Variants in AFG3L2 observed in about 807,000 individuals in gnomAD.
AFG3L2 encodes AFG3 like matrix AAA peptidase subunit 2.
A neutral mutation model predicts 94.5 loss-of-function variants in AFG3L2; 54 were observed. That is an observed-to-expected ratio of 0.57 (90% confidence interval 0.46 to 0.72). AFG3L2 has a LOEUF of 0.72. AFG3L2 is among the 30% of genes least tolerant of loss of function. The pLI, the probability that AFG3L2 is intolerant of heterozygous loss-of-function variation, is 0.00. For missense variants in AFG3L2, 754 were observed against 994.9 expected (o/e 0.76, Z 3.26); for synonymous variants, 377 against 365.5 (o/e 1.03, Z -0.36).
In AFG3L2 at chr18:12,337,335, A is replaced by G. The variant is rs1415790547; in HGVS notation, c.2175+6T>C. The G allele has an allele frequency of 6.2e-7, 1 of 1,613,320 alleles. No individual in the cohort carries two copies. The highest frequency in any genetic ancestry group is 1.3e-5 in the African/African-American group (1 of 74,912). On this transcript the variant is annotated splice_donor_region_variant and intron_variant, in intron 16 of 16. Coordinates refer to ENST00000269143, the MANE Select transcript of AFG3L2 (RefSeq NM_006796.3). Reference sequence around the variant, plus strand: ...GTAAAGAATTATTCCCACAACTGGCACCTACCTTCTCCACGTCAGCTTTCT... The same window carrying G: ...GTAAAGAATTATTCCCACAACTGGCGCCTACCTTCTCCACGTCAGCTTTCT...
Position 12,347,554 on chromosome 18 carries a change from ATT to A in AFG3L2, c.1663+717_1663+718del, listed in dbSNP as rs34215474. Among the ~76,000 whole-genome samples, 413 of 140,550 alleles carry A rather than the reference ATT, an allele frequency of 2.9e-3. 6 individuals carry two copies. Among genetic ancestry groups the A allele is most frequent in the South Asian group, 4.0e-3 (18 of 4,538 alleles). 92.2% of individuals were successfully genotyped at this position (140,550 alleles called of 152,430 possible). A position where few individuals can be genotyped will look rare whatever the true frequency, so the allele number is the denominator to read the frequency against. On this transcript the variant is annotated intron_variant, in intron 13 of 16. Transcript: ENST00000269143. Reference sequence around the variant, plus strand: ...TTATTTTATTTTATTTATTATTATTATTTTTTTTTTTTTTGAGACAGAGACTT... The same window carrying A: ...TTATTTTATTTTATTTATTATTATTATTTTTTTTTTTTGAGACAGAGACTT...
chr18:12,347,199 A>C (rs1230805503), intron 13 of AFG3L2, among the ~76,000 whole-genome samples: 2 of 152,222 alleles, frequency 1.3e-5, no homozygotes, highest in Non-Finnish European at 2.9e-5. Flanking sequence ...CATAGGACAA[A>C]ATTTTAAAAG....
intron 7 of AFG3L2, 24 bp from the exon 8 acceptor site, chr18:12,358,967 G>A (rs756236790): frequency 1.9e-6 from 3 of 1,598,310 alleles, no homozygotes; most frequent in Non-Finnish European, 2.6e-6. Context: ...GCGCAACACG[G>A]GTTAGGACTG....
chr18:12,348,403 C>CT lies in AFG3L2; in HGVS notation c.1553-21_1553-20insA. Reference sequence around the variant, plus strand: ...CAGCACCTAAAAAATGAACACAGAACAGCTTACCCACCGAAATACGCCCAA... The same window carrying CT: ...CAGCACCTAAAAAATGAACACAGAACTAGCTTACCCACCGAAATACGCCCAA... On this transcript the variant is annotated intron_variant, in intron 12 of 16. Transcript: ENST00000269143. 1 of 1,600,472 alleles carries CT rather than the reference C, an allele frequency of 6.2e-7. No homozygotes were observed. The highest frequency in any genetic ancestry group is 1.1e-5 in the South Asian group (1 of 90,770).
intron 8 of AFG3L2, 56 bp from the exon 9 acceptor site, chr18:12,356,887 T>G: frequency 6.5e-7 from 1 of 1,546,838 alleles, no homozygotes; most frequent in Non-Finnish European, 8.9e-7. Context: ...AAGTAAATTG[T>G]GTATCCACAA....
chr18:12,357,038 G>T (rs1410665336), intron 8 of AFG3L2, among the ~76,000 whole-genome samples: 1 of 152,122 alleles, frequency 6.6e-6, no homozygotes, highest in African/African-American at 2.4e-5. Context: ...AAAAAATTTG[G>T]TAAGAATGTG....
At chr18:12,369,032 T>C (rs1406427495) in intron 3 of AFG3L2, among the ~76,000 whole-genome samples, 1 of 152,096 alleles carries the variant, frequency 6.6e-6, no homozygotes, top group African/African-American at 2.4e-5. Context: ...CACTCCGCTA[T>C]GCTGCATACG....
At chr18:12,331,143 T>C (rs1282681819) in intron 16 of AFG3L2, among the ~76,000 whole-genome samples, 5 of 152,332 alleles carry the variant, frequency 3.3e-5, no homozygotes, top group African/African-American at 1.2e-4. Context: ...TGTGTTTAGA[T>C]ACCATTGTGT....
chr18:12,344,850 C>T lies in AFG3L2; in HGVS notation c.1664-603G>A, dbSNP rs576261560. Among the ~76,000 whole-genome samples, 7 of 152,282 alleles carry T rather than the reference C, an allele frequency of 4.6e-5. No homozygotes were observed. In the South Asian group the frequency reaches 1.2e-3, roughly 27 times the overall value. On this transcript the variant is annotated intron_variant, in intron 13 of 16. Coordinates refer to ENST00000269143, the MANE Select transcript of AFG3L2 (RefSeq NM_006796.3). Reference sequence around the variant, plus strand: ...CTAACTCTCTCACTTTTAAGCCACACACCCTGTGTTTTGGGAAACAAATAG... The same window carrying T: ...CTAACTCTCTCACTTTTAAGCCACATACCCTGTGTTTTGGGAAACAAATAG...
rs1289931239 is a variant in AFG3L2, at chr18:12,367,347, C to T, written c.328G>A (p.Gly110Arg). The T allele has an allele frequency of 5.0e-6, 8 of 1,614,100 alleles. No individual in the cohort carries two copies. Among genetic ancestry groups the T allele is most frequent in the Admixed American group, 1.7e-5 (1 of 59,998 alleles). The change falls in exon 4 of 17, where the codon GGA becomes AGA. Residue 110 changes from glycine to arginine, a missense_variant. Physicochemically the swap from Gly to Arg is moderately radical, Grantham distance 125. Around this residue, in one of 4 missense-constraint regions of AFG3L2, gnomAD observed 236 missense variants for 214.0 expected, o/e 1.10. Transcript: ENST00000269143. Reference sequence around the variant, plus strand: ...CGTTTTCCACCGCCACCACCTCCTCCTCCAGAAGAGCGTGTGGTAGCAGCT... The same window carrying T: ...CGTTTTCCACCGCCACCACCTCCTCTTCCAGAAGAGCGTGTGGTAGCAGCT... ...KPAATTRSSG[G>R]GGGGGGKRGG... is the part of the protein sequence containing the mutation.
At chr18:12,330,050 G>A (rs1312485802) in intron 16 of AFG3L2, among the ~76,000 whole-genome samples, 8 of 152,268 alleles carry the variant, frequency 5.3e-5, no homozygotes, top group Non-Finnish European at 1.0e-4. Context: ...TGAGGAGGAA[G>A]CTGGCCGGGC....
intron 10 of AFG3L2, among the ~76,000 whole-genome samples, chr18:12,352,783 T>C (rs966188804): frequency 2.0e-5 from 3 of 152,064 alleles, no homozygotes; most frequent in Non-Finnish European, 4.4e-5. Context: ...TTTGTGATAC[T>C]CAATATTGGA....
At chr18:12,361,187 T>C (rs1251093749) in intron 6 of AFG3L2, among the ~76,000 whole-genome samples, 1 of 152,144 alleles carries the variant, frequency 6.6e-6, no homozygotes, top group Non-Finnish European at 1.5e-5. Context: ...CTGGCCACCA[T>C]GGTCTCAAAC....
chr18:12,356,898 A>T, intron 8 of AFG3L2, 67 bp from the exon 9 acceptor site: 4 of 1,488,944 alleles, frequency 2.7e-6, no homozygotes, highest in Non-Finnish European at 3.7e-6. Context: ...GTATCCACAA[A>T]TAATTACAAG....
intron 13 of AFG3L2, among the ~76,000 whole-genome samples, chr18:12,345,004 T>C (rs1908087279): frequency 1.3e-5 from 2 of 152,218 alleles, no homozygotes; most frequent in Non-Finnish European, 2.9e-5. Flanking sequence ...CACGCGAAGA[T>C]GGCTGCCATA....
Position 12,340,178 on chromosome 18 carries a change from A to G in AFG3L2, c.1980+23T>C, listed in dbSNP as rs770560375. On this transcript the variant is annotated intron_variant, in intron 15 of 16. Transcript: ENST00000269143. ...TGCAAATATGAATACATGAGGAGGAAATGCACTCTTTCATATACTCACTTG... is the reference window on the plus strand; with the variant it reads ...TGCAAATATGAATACATGAGGAGGAGATGCACTCTTTCATATACTCACTTG... 3.1e-6 allele frequency: 5 copies of G among 1,588,888 alleles called. No individual in the cohort carries two copies. In the East Asian group the frequency reaches 1.1e-4, roughly 36 times the overall value.
In AFG3L2 at chr18:12,376,671, G is replaced by A. The variant is rs181620565; in HGVS notation, c.114+298C>T. ...CGTGCTCCGGGGACACGAAAGCGGG[G>A]ACAAGGACGGCCACCAAGCCAACAT... On this transcript the variant is annotated intron_variant, in intron 1 of 16. Transcript: ENST00000269143. Among the ~76,000 whole-genome samples the A allele has an allele frequency of 3.3e-5, 5 of 152,344 alleles. No homozygotes were observed. In the East Asian group the frequency reaches 9.6e-4, roughly 29 times the overall value.
intron 3 of AFG3L2, among the ~76,000 whole-genome samples, chr18:12,368,167 C>CA (rs533345600): frequency 2.1e-5 from 3 of 143,510 alleles, no homozygotes; most frequent in South Asian, 4.4e-4. Flanking sequence ...AACTCCGTCT[C>CA]AAAAAAAAAT....
intron 14 of AFG3L2, 28 bp from the exon 15 acceptor site, chr18:12,340,429 T>C (rs1907912026): frequency 6.5e-7 from 1 of 1,539,966 alleles, no homozygotes; most frequent in Non-Finnish European, 9.0e-7. Context: ...GTGTTGAAGA[T>C]CCTACTACAG....
Sources: allele counts gnomAD v4.1 joint callset (sites outside exome capture counted in the v4.1 genomes callset), GRCh38; gene constraint gnomAD v4.1.1; regional missense constraint gnomAD v4.1.1; transcripts MANE v1.5; gene names NCBI Gene and HGNC (gene_info 2026-07-23, HGNC 2026-07-21).